The following RAP2B variants were observed in gnomAD, a reference collection of about 807,000 sequenced individuals.
RAP2B encodes the protein ras-related protein Rap-2b.
Under a neutral mutation model 14.4 loss-of-function variants are expected in RAP2B, and 6 were observed. The ratio of observed to expected loss-of-function variants is 0.42; its 90% CI spans 0.23 to 0.82. The LOEUF (loss-of-function observed/expected upper bound fraction) is 0.82. Ranked by LOEUF, RAP2B falls within the 40% of genes least tolerant of loss-of-function variation. RAP2B has a pLI of 0.30. For synonymous variants in RAP2B, 118 were observed against 113.2 expected, an observed-to-expected ratio of 1.04 and a Z score of -0.27; for missense variants, 137 against 248.2, an observed-to-expected ratio of 0.55 and a Z score of 3.01.
Position 153,167,510 on chromosome 3 carries a change from A to G in RAP2B, c.*4265A>G, listed in dbSNP as rs572132698. The G allele has an allele frequency of 1.2e-5, 2 of 167,034 alleles. No individual in the cohort carries two copies. The highest frequency in any genetic ancestry group is 2.9e-5 in the Non-Finnish European group (2 of 68,128). The allele number at this position is 167,034 out of a possible 1,614,324, so 10.3% of individuals were successfully genotyped here. A position where few individuals can be genotyped will look rare whatever the true frequency, so the allele number is the denominator to read the frequency against. On this transcript the variant is annotated 3_prime_UTR_variant, in exon 1 of 1. Coordinates refer to ENST00000323534, the MANE Select transcript of RAP2B (RefSeq NM_002886.4). ...CACACTTTGAAAACCAGTGATCTAG[A>G]CTGAACTCCAAATGAGTACTATACT...
At position 153,163,074 on chromosome 3, in the gene RAP2B, G is replaced by A. The variant is rs574606114; in HGVS notation, c.381G>A (p.Ser127=). The stretch of plus-strand genomic sequence containing the variant: ...ACCTGGAGGGTGAGCGCGAGGTCTC[G>A]TACGGGGAGGGCAAGGCCCTGGCTG... ...KVDLEGEREV[S]YGEGKALAEE... is the part of the protein sequence containing the mutation. The change falls in exon 1 of 1, where the codon TCG becomes TCA. Residue 127 remains serine (S), a synonymous_variant. Coordinates refer to ENST00000323534, the MANE Select transcript of RAP2B (RefSeq NM_002886.4). The A allele has an allele frequency of 1.9e-5, 30 of 1,613,884 alleles. No individual in the cohort carries two copies. Among genetic ancestry groups the A allele is most frequent in the Non-Finnish European group, 2.3e-5 (27 of 1,180,044 alleles).
chr3:153,166,053 G>A lies in RAP2B; in HGVS notation c.*2808G>A, dbSNP rs1463206039. On this transcript the variant is annotated 3_prime_UTR_variant, in exon 1 of 1. Transcript: ENST00000323534. ...AAGTGGAAAATTGGAAATGAAATAT[G>A]TTGCTGGGTGCGTTAATCACCTCCG... 1 of 167,038 alleles carries A rather than the reference G, an allele frequency of 6.0e-6. No individual in the cohort carries two copies. The highest frequency in any genetic ancestry group is 2.4e-5 in the African/African-American group (1 of 41,468). The allele number at this position is 167,038 out of a possible 1,614,324, so 10.3% of individuals were successfully genotyped here. A position where few individuals can be genotyped will look rare whatever the true frequency, so the allele number is the denominator to read the frequency against.
In RAP2B at chr3:153,163,167, C is replaced by G; in HGVS notation, c.474C>G (p.Ala158=). 3.7e-6 allele frequency: 6 copies of G among 1,607,988 alleles called. No individual in the cohort carries two copies. Among genetic ancestry groups the G allele is most frequent in the South Asian group, 2.2e-5 (2 of 90,278 alleles). The part of the protein sequence containing the change: ...KNKASVDELF[A]EIVRQMNYAA... ...AAGCCTCGGTAGACGAGCTATTTGC[C>G]GAGATCGTGCGGCAGATGAACTACG... is the stretch of plus-strand genomic sequence containing the variant. The change falls in exon 1 of 1, where the codon GCC becomes GCG. Residue 158 remains alanine (A), a synonymous_variant. Transcript: ENST00000323534.
chr3:153,162,481 G>A lies in RAP2B; in HGVS notation c.-213G>A. 2 of 435,316 alleles carry A rather than the reference G, an allele frequency of 4.6e-6. No individual in the cohort carries two copies. The highest frequency in any genetic ancestry group is 5.5e-5 in the South Asian group (1 of 18,040). 27.0% of individuals were successfully genotyped at this position (435,316 alleles called of 1,614,324 possible). The stretch of plus-strand genomic sequence containing the variant: ...GCGGACTGCTGCGGGGCCCGGACCC[G>A]CACCCCAGGGATACGCTGCCGCCGC... On this transcript the variant is annotated 5_prime_UTR_variant, in exon 1 of 1. Transcript: ENST00000323534. This position sits in a 1 kb window ranked among gnomAD's most constrained non-coding sequence, Gnocchi z 4.9.
chr3:153,168,105 A>T lies in RAP2B; in HGVS notation c.*4860A>T, dbSNP rs533659775. On this transcript the variant is annotated 3_prime_UTR_variant, in exon 1 of 1. Transcript: ENST00000323534. ...ACTGTAATCCATTCTGGGAAAATGC[A>T]TACCACAAAACTGTGTATCTTGCAG... 2 of 167,042 alleles carry T rather than the reference A, an allele frequency of 1.2e-5. No homozygotes were observed. Among genetic ancestry groups the T allele is most frequent in the Non-Finnish European group, 2.9e-5 (2 of 68,114 alleles). The allele number at this position is 167,042 out of a possible 1,614,324, so 10.3% of individuals were successfully genotyped here.
rs1465052989 is a variant in RAP2B at position 153,166,565 on chromosome 3, A to G, written c.*3320A>G. On this transcript the variant is annotated 3_prime_UTR_variant, in exon 1 of 1. Transcript: ENST00000323534. ...TTTTCCTTTTGGTCTCTGACAGTCA[A>G]TCCAGGTTTTATGTTATTTCAAAAG... is the stretch of plus-strand genomic sequence containing the variant. The G allele has an allele frequency of 6.0e-6, 1 of 167,044 alleles. No individual in the cohort carries two copies. Among genetic ancestry groups the G allele is most frequent in the Non-Finnish European group, 1.5e-5 (1 of 68,106 alleles). The allele number at this position is 167,044 out of a possible 1,614,324, so 10.3% of individuals were successfully genotyped here. A position where few individuals can be genotyped will look rare whatever the true frequency, so the allele number is the denominator to read the frequency against.
At position 153,164,272 on chromosome 3, in the gene RAP2B, C is replaced by T. The variant is rs1283193428; in HGVS notation, c.*1027C>T. The T allele has an allele frequency of 6.0e-6, 1 of 166,972 alleles. No individual in the cohort carries two copies. Among genetic ancestry groups the T allele is most frequent in the Admixed American group, 6.5e-5 (1 of 15,274 alleles). The allele number at this position is 166,972 out of a possible 1,614,324, so 10.3% of individuals were successfully genotyped here. On this transcript the variant is annotated 3_prime_UTR_variant, in exon 1 of 1. Coordinates refer to ENST00000323534, the MANE Select transcript of RAP2B (RefSeq NM_002886.4). ...TAAATGTGATTCAGGGCCCCCAGCA[C>T]CCCTGTGTCTGCAGAGTGCCTTCAA...
In RAP2B at chr3:153,162,400, C is replaced by T. The variant is rs866624027; in HGVS notation, c.-294C>T. On this transcript the variant is annotated 5_prime_UTR_variant, in exon 1 of 1. Coordinates refer to ENST00000323534, the MANE Select transcript of RAP2B (RefSeq NM_002886.4). The surrounding 1 kb of genome is among the most constrained non-coding windows in gnomAD (Gnocchi z 4.9). ...CAGCTAGGAGCTCCAGCCGTCGCCT[C>T]GCGCAGGCTGCGGGCATTGTCCTCT... 5 of 225,332 alleles carry T rather than the reference C, an allele frequency of 2.2e-5. No individual in the cohort carries two copies. Among genetic ancestry groups the T allele is most frequent in the Middle Eastern group, 1.4e-3 (1 of 708 alleles). 14.0% of individuals were successfully genotyped at this position (225,332 alleles called of 1,614,324 possible). A position where few individuals can be genotyped will look rare whatever the true frequency, so the allele number is the denominator to read the frequency against.
Position 153,163,447 on chromosome 3 carries a change from C to G in RAP2B, c.*202C>G, listed in dbSNP as rs1713472859. 1.2e-5 allele frequency: 8 copies of G among 654,950 alleles called. No homozygotes were observed. The South Asian group carries it at 1.7e-4, about 14-fold the overall frequency. 40.6% of individuals were successfully genotyped at this position (654,950 alleles called of 1,614,324 possible). On this transcript the variant is annotated 3_prime_UTR_variant, in exon 1 of 1. Transcript: ENST00000323534. ...GGTGTCCGGTCCTGCCCATCCGATA[C>G]TCTGGTGGAAATGTGGCTCTTTGCA...
rs1284809128 is a variant in RAP2B, at chr3:153,163,367, G to A, written c.*122G>A. 1.4e-6 allele frequency: 2 copies of A among 1,379,538 alleles called. No individual in the cohort carries two copies. The highest frequency in any genetic ancestry group is 2.9e-5 in the African/African-American group (2 of 68,018). 85.5% of individuals were successfully genotyped at this position (1,379,538 alleles called of 1,614,324 possible). ...CTTTGCATTGGCCAGGGTGTCTTGG[G>A]AGCCCGGCTGGCCTCCGCGGCCGGC... On this transcript the variant is annotated 3_prime_UTR_variant, in exon 1 of 1. Transcript: ENST00000323534.
rs1166911020 is a variant in RAP2B, at chr3:153,168,416, T to C, written c.*5171T>C. 1 of 167,022 alleles carries C rather than the reference T, an allele frequency of 6.0e-6. No individual in the cohort carries two copies. Among genetic ancestry groups the C allele is most frequent in the Non-Finnish European group, 1.5e-5 (1 of 68,120 alleles). The allele number at this position is 167,022 out of a possible 1,614,324, so 10.3% of individuals were successfully genotyped here. On this transcript the variant is annotated 3_prime_UTR_variant, in exon 1 of 1. Coordinates refer to ENST00000323534, the MANE Select transcript of RAP2B (RefSeq NM_002886.4). Reference sequence around the variant, plus strand: ...AATCTCCATTTTCATTTTTAATGCTTCCTGGACTTCAGTTATTTTCTTGCT... The same window carrying C: ...AATCTCCATTTTCATTTTTAATGCTCCCTGGACTTCAGTTATTTTCTTGCT...
rs890023963 is a variant in RAP2B, at chr3:153,163,431, T to G, written c.*186T>G. ...ACCCTGTGCCCGAGGGGGTGTCCGG[T>G]CCTGCCCATCCGATACTCTGGTGGA... is the stretch of plus-strand genomic sequence containing the variant. On this transcript the variant is annotated 3_prime_UTR_variant, in exon 1 of 1. Coordinates refer to ENST00000323534, the MANE Select transcript of RAP2B (RefSeq NM_002886.4). 1 of 716,960 alleles carries G rather than the reference T, an allele frequency of 1.4e-6. No individual in the cohort carries two copies. Among genetic ancestry groups the G allele is most frequent in the Middle Eastern group, 4.1e-4 (1 of 2,446 alleles). The allele number at this position is 716,960 out of a possible 1,614,324, so 44.4% of individuals were successfully genotyped here.
rs1240331858 is a variant in RAP2B at position 153,163,282 on chromosome 3, A to C, written c.*37A>C. 26 of 1,493,602 alleles carry C rather than the reference A, an allele frequency of 1.7e-5. No individual in the cohort carries two copies. The highest frequency in any genetic ancestry group is 2.2e-5 in the Non-Finnish European group (25 of 1,124,816). 92.5% of individuals were successfully genotyped at this position (1,493,602 alleles called of 1,614,324 possible). On this transcript the variant is annotated 3_prime_UTR_variant, in exon 1 of 1. Coordinates refer to ENST00000323534, the MANE Select transcript of RAP2B (RefSeq NM_002886.4). ...CGCGCCGGCCGCGCTCTGCGCACAA[A>C]AGCCAAACGCATCCGACTCTCTAAA... is the stretch of plus-strand genomic sequence containing the variant.
In RAP2B at chr3:153,163,290, C is replaced by G; in HGVS notation, c.*45C>G. ...CCGCGCTCTGCGCACAAAAGCCAAACGCATCCGACTCTCTAAATGTGATTT... is the reference window on the plus strand; with the variant it reads ...CCGCGCTCTGCGCACAAAAGCCAAAGGCATCCGACTCTCTAAATGTGATTT... On this transcript the variant is annotated 3_prime_UTR_variant, in exon 1 of 1. Coordinates refer to ENST00000323534, the MANE Select transcript of RAP2B (RefSeq NM_002886.4). 6.7e-7 allele frequency: 1 copy of G among 1,488,436 alleles called. No individual in the cohort carries two copies. Among genetic ancestry groups the G allele is most frequent in the Non-Finnish European group, 8.9e-7 (1 of 1,121,566 alleles). 92.2% of individuals were successfully genotyped at this position (1,488,436 alleles called of 1,614,324 possible).
rs912560693 is a variant in RAP2B, at chr3:153,166,594, T to C, written c.*3349T>C. 4.8e-5 allele frequency: 8 copies of C among 167,100 alleles called. No homozygotes were observed. Among genetic ancestry groups the C allele is most frequent in the African/African-American group, 9.6e-5 (4 of 41,462 alleles). 10.4% of individuals were successfully genotyped at this position (167,100 alleles called of 1,614,324 possible). On this transcript the variant is annotated 3_prime_UTR_variant, in exon 1 of 1. Coordinates refer to ENST00000323534, the MANE Select transcript of RAP2B (RefSeq NM_002886.4). The stretch of plus-strand genomic sequence containing the variant: ...AGGTTTTATGTTATTTCAAAAGGGT[T>C]ATTTTTGTCCTCCTTTTTTAATAGC...
In RAP2B at chr3:153,168,907, A is replaced by G. The variant is rs1316571860; in HGVS notation, c.*5662A>G. On this transcript the variant is annotated 3_prime_UTR_variant, in exon 1 of 1. Coordinates refer to ENST00000323534, the MANE Select transcript of RAP2B (RefSeq NM_002886.4). ...TACAATGAAACACTGACTTCAGTATATTTTTATCTTGGCTTTCATTTTACG... is the reference window on the plus strand; with the variant it reads ...TACAATGAAACACTGACTTCAGTATGTTTTTATCTTGGCTTTCATTTTACG... 7 of 152,130 alleles carry G rather than the reference A, an allele frequency of 4.6e-5. No homozygotes were observed. The highest frequency in any genetic ancestry group is 1.0e-4 in the Non-Finnish European group (7 of 68,022). The allele number at this position is 152,130 out of a possible 1,614,324, so 9.4% of individuals were successfully genotyped here. A position where few individuals can be genotyped will look rare whatever the true frequency, so the allele number is the denominator to read the frequency against.
rs1298610421 is a variant in RAP2B at position 153,162,498 on chromosome 3, T to TGCC, written c.-185_-183dup. Reference sequence around the variant, plus strand: ...CCGGACCCGCACCCCAGGGATACGCTGCCGCCGCCGCCGGCCGGCCCGGCG... The same window carrying TGCC: ...CCGGACCCGCACCCCAGGGATACGCTGCCGCCGCCGCCGCCGGCCGGCCCGGCG... On this transcript the variant is annotated 5_prime_UTR_variant, in exon 1 of 1. Transcript: ENST00000323534. The surrounding 1 kb of genome is among the most constrained non-coding windows in gnomAD (Gnocchi z 4.9). 12 of 569,784 alleles carry TGCC rather than the reference T, an allele frequency of 2.1e-5. No homozygotes were observed. The highest frequency in any genetic ancestry group is 2.8e-5 in the Non-Finnish European group (10 of 351,408). The allele number at this position is 569,784 out of a possible 1,614,324, so 35.3% of individuals were successfully genotyped here. A position where few individuals can be genotyped will look rare whatever the true frequency, so the allele number is the denominator to read the frequency against.
rs923864434 is a variant in RAP2B at position 153,168,804 on chromosome 3, A to C, written c.*5559A>C. The C allele has an allele frequency of 2.0e-5, 3 of 152,222 alleles. No homozygotes were observed. Among genetic ancestry groups the C allele is most frequent in the African/African-American group, 7.2e-5 (3 of 41,466 alleles). The allele number at this position is 152,222 out of a possible 1,614,324, so 9.4% of individuals were successfully genotyped here. On this transcript the variant is annotated 3_prime_UTR_variant, in exon 1 of 1. Transcript: ENST00000323534. ...AAGGTTCATTTTCAACAAAAGTTAC[A>C]GACATTTATGGTTGATAGTTTGAGA... is the stretch of plus-strand genomic sequence containing the variant.
rs923228099 is a variant in RAP2B, at chr3:153,165,915, A to G, written c.*2670A>G. On this transcript the variant is annotated 3_prime_UTR_variant, in exon 1 of 1. Coordinates refer to ENST00000323534, the MANE Select transcript of RAP2B (RefSeq NM_002886.4). ...ACTGTCTGGAGGGTTTTTTTAAGAA[A>G]AGGCATTTGGCATTTAACTGTCTCT... 1 of 167,070 alleles carries G rather than the reference A, an allele frequency of 6.0e-6. No individual in the cohort carries two copies. Among genetic ancestry groups the G allele is most frequent in the Non-Finnish European group, 1.5e-5 (1 of 68,102 alleles). The allele number at this position is 167,070 out of a possible 1,614,324, so 10.3% of individuals were successfully genotyped here.
Sources: allele counts gnomAD v4.1 joint callset, GRCh38; gene constraint gnomAD v4.1.1; non-coding constraint Gnocchi (gnomAD v3.1); transcripts MANE v1.5; gene names NCBI Gene and HGNC (gene_info 2026-07-23, HGNC 2026-07-21).